Variants in RGS7 observed in about 807,000 individuals in gnomAD.
RGS7 encodes regulator of G-protein signaling 7.
RGS7 carries 27 observed loss-of-function variants against 81.1 expected under a neutral mutation model. The ratio of observed to expected loss-of-function variants is 0.33; its 90% CI spans 0.25 to 0.46. The LOEUF (loss-of-function observed/expected upper bound fraction) is 0.46, where lower values mean the gene tolerates loss of function less well. Among genes scored for constraint, RGS7 ranks in the 20% least tolerant of loss-of-function variants. The pLI, the probability that RGS7 is intolerant of heterozygous loss-of-function variation, is 1.00. For missense variants in RGS7, 396 were observed against 607.4 expected (o/e 0.65, Z 3.66); for synonymous variants, 208 against 207.7 (o/e 1.00, Z -0.01).
intron 4 of RGS7, among the ~76,000 whole-genome samples, chr1:240,980,328 G>T (rs1174096487): frequency 6.6e-6 from 1 of 152,138 alleles, no homozygotes; most frequent in Non-Finnish European, 1.5e-5. Flanking sequence ...TGGGCCATCA[G>T]AACCTGCTCC....
chr1:241,033,579 T>A (rs1429643202), intron 3 of RGS7, among the ~76,000 whole-genome samples: 1 of 152,094 alleles, frequency 6.6e-6, no homozygotes, highest in Non-Finnish European at 1.5e-5. Context: ...AAATATTTAT[T>A]TTTTACTGCC....
intron 2 of RGS7, among the ~76,000 whole-genome samples, chr1:241,342,876 A>G (rs1384027671): frequency 6.6e-6 from 1 of 152,196 alleles, no homozygotes; most frequent in Non-Finnish European, 1.5e-5. Context: ...AGTGTTGGTG[A>G]GCATGTGGAG....
At chr1:241,191,887 T>C (rs1287064410) in intron 2 of RGS7, among the ~76,000 whole-genome samples, 1 of 152,254 alleles carries the variant, frequency 6.6e-6, no homozygotes, top group Non-Finnish European at 1.5e-5. Context: ...GTTGTTCATA[T>C]GCGGGCAGGG....
At chr1:241,186,931 G>A (rs764662186) in intron 2 of RGS7, among the ~76,000 whole-genome samples, 10 of 152,062 alleles carry the variant, frequency 6.6e-5, no homozygotes, top group South Asian at 2.1e-4. Context: ...GGTCTTTTGC[G>A]TCAACTGTTC....
chr1:241,324,786 G>A (rs908512114), intron 2 of RGS7, among the ~76,000 whole-genome samples: 1 of 152,056 alleles, frequency 6.6e-6, no homozygotes, highest in Non-Finnish European at 1.5e-5. Context: ...TACAGGTCTG[G>A]ATAAAGACAC....
chr1:240,878,418 G>C (rs1013707807), intron 6 of RGS7, among the ~76,000 whole-genome samples: 2 of 151,920 alleles, frequency 1.3e-5, no homozygotes, highest in Non-Finnish European at 2.9e-5. Flanking sequence ...AACATAGTTG[G>C]GGAGTGAAAA....
chr1:241,038,704 A>C (rs961979297), intron 3 of RGS7, among the ~76,000 whole-genome samples: 4 of 152,338 alleles, frequency 2.6e-5, no homozygotes, highest in African/African-American at 9.6e-5. Context: ...CAATGAACGT[A>C]GGGTAGCCAG....
intron 2 of RGS7, among the ~76,000 whole-genome samples, chr1:241,308,695 C>A (rs1194681866): frequency 2.0e-5 from 3 of 152,100 alleles, no homozygotes; most frequent in Admixed American, 1.3e-4. Flanking sequence ...GCTCTCCAGG[C>A]CTGTTCATTG....
chr1:240,910,714 A>T (rs1043870950), intron 6 of RGS7, among the ~76,000 whole-genome samples: 1 of 152,100 alleles, frequency 6.6e-6, no homozygotes, highest in African/African-American at 2.4e-5. Flanking sequence ...TACAACTATT[A>T]TGTGTCAATT....
At chr1:241,182,501 G>A (rs764141201) in intron 2 of RGS7, among the ~76,000 whole-genome samples, 1 of 152,158 alleles carries the variant, frequency 6.6e-6, no homozygotes, top group Non-Finnish European at 1.5e-5. Flanking sequence ...TAATTCACAC[G>A]CTCAGGTGCC....
chr1:241,352,582 A>C (rs941713165), intron 2 of RGS7, among the ~76,000 whole-genome samples: 2 of 152,234 alleles, frequency 1.3e-5, no homozygotes, highest in African/African-American at 4.8e-5. Flanking sequence ...ACTGGCCAAC[A>C]TCCAAGACTG....
chr1:241,223,614 C>G (rs1008582535), intron 2 of RGS7, among the ~76,000 whole-genome samples: 3 of 151,616 alleles, frequency 2.0e-5, no homozygotes, highest in African/African-American at 7.3e-5. Flanking sequence ...AACATAATAG[C>G]GCATTCAAAT....
At chr1:241,351,423 T>TAAA (rs35604303) in intron 2 of RGS7, among the ~76,000 whole-genome samples, 14 of 145,882 alleles carry the variant, frequency 9.6e-5, no homozygotes, top group African/African-American at 2.0e-4. Flanking sequence ...TGACTTTATT[T>TAAA]AAAAAAAAAA....
intron 2 of RGS7, among the ~76,000 whole-genome samples, chr1:241,170,791 A>G (rs1403447761): frequency 6.6e-6 from 1 of 151,822 alleles, no homozygotes; most frequent in Admixed American, 6.6e-5. Flanking sequence ...TGGGGTAAAA[A>G]TTATTTATGT....
chr1:240,906,469 C>T (rs1441739147), intron 6 of RGS7, among the ~76,000 whole-genome samples: 1 of 152,128 alleles, frequency 6.6e-6, no homozygotes, highest in Non-Finnish European at 1.5e-5. Context: ...CTAGGTCCTC[C>T]GTATAACCTA....
At chr1:241,275,849 A>C (rs2078166182) in intron 2 of RGS7, among the ~76,000 whole-genome samples, 1 of 152,234 alleles carries the variant, frequency 6.6e-6, no homozygotes, top group Admixed American at 6.5e-5. Context: ...GCAACCAAAG[A>C]AATCAAACCA....
intron 2 of RGS7, among the ~76,000 whole-genome samples, chr1:241,213,859 A>G (rs1462962741): frequency 6.6e-6 from 1 of 152,078 alleles, no homozygotes; most frequent in Non-Finnish European, 1.5e-5. Flanking sequence ...TGACTTCCCA[A>G]GCTTAAGCGA....
intron 2 of RGS7, among the ~76,000 whole-genome samples, chr1:241,348,857 C>T (rs369091016): frequency 2.6e-5 from 4 of 152,262 alleles, no homozygotes; most frequent in South Asian, 4.1e-4. Flanking sequence ...CCTACAGAAG[C>T]CTCCTCTTTA....
intron 15 of RGS7, 98 bp from the exon 16 acceptor site, chr1:240,803,091 G>T: frequency 1.2e-6 from 1 of 805,830 alleles, no homozygotes; most frequent in Non-Finnish European, 2.2e-6. Flanking sequence ...TCTAGTAGCA[G>T]CGAAAAATAG....
Sources: gnomAD v4.1 joint callset for allele counts (sites outside exome capture counted in the v4.1 genomes callset) on GRCh38, gnomAD v4.1.1 for gene constraint, MANE v1.5 for transcripts, NCBI Gene and HGNC (gene_info 2026-07-23, HGNC 2026-07-21) for gene names.